The following QTMAN variants were observed in gnomAD, a reference collection of about 807,000 sequenced individuals.
The protein encoded by QTMAN is queuosine-tRNA mannosyltransferase, also known as tRNA-queuosine alpha-mannosyltransferase.
At chr2:143,999,268 T>C in the QTMAN span, among the ~76,000 whole-genome samples, 3 of 151,934 alleles carry the variant, frequency 2.0e-5, no homozygotes, top group Non-Finnish European at 2.9e-5. Flanking sequence ...ACATTCACAG[T>C]CAGGGGGATT....
chr2:143,953,375 T>C, the QTMAN span, among the ~76,000 whole-genome samples: 2 of 151,912 alleles, frequency 1.3e-5, no homozygotes, highest in Non-Finnish European at 3.0e-5. Context: ...TTTGTTATTA[T>C]GCAGAATGTA....
At chr2:144,268,678 A>G in the QTMAN span, among the ~76,000 whole-genome samples, 1 of 152,254 alleles carries the variant, frequency 6.6e-6, no homozygotes, top group Non-Finnish European at 1.5e-5. Flanking sequence ...CAAAAAATAC[A>G]GGCAAACCAA....
chr2:144,186,904 T>C, the QTMAN span, among the ~76,000 whole-genome samples: 1 of 152,258 alleles, frequency 6.6e-6, no homozygotes, highest in African/African-American at 2.4e-5. Context: ...AAGACCTCCC[T>C]TTCCTCAGCT....
the QTMAN span, among the ~76,000 whole-genome samples, chr2:144,300,909 A>G: frequency 6.6e-6 from 1 of 152,146 alleles, no homozygotes; most frequent in Non-Finnish European, 1.5e-5. Context: ...GAAGCCCCCA[A>G]AATTTTTTGG....
chr2:144,150,838 A>G, the QTMAN span, among the ~76,000 whole-genome samples: 3 of 152,210 alleles, frequency 2.0e-5, no homozygotes, highest in Non-Finnish European at 4.4e-5. Flanking sequence ...TAACTATTCC[A>G]AAGAGAGATA....
chr2:144,281,153 A>G, the QTMAN span, among the ~76,000 whole-genome samples: 2 of 149,724 alleles, frequency 1.3e-5, no homozygotes, highest in African/African-American at 4.9e-5. Context: ...ATTTTTTTAA[A>G]GTCTAACAAT....
At chr2:144,127,435 TATTGA>T in the QTMAN span, among the ~76,000 whole-genome samples, 11 of 152,166 alleles carry the variant, frequency 7.2e-5, no homozygotes, top group South Asian at 2.1e-4. Context: ...TGTAAAAAGT[TATTGA>T]ATTGAATTAA....
At chr2:144,206,048 C>T in the QTMAN span, among the ~76,000 whole-genome samples, 1 of 152,180 alleles carries the variant, frequency 6.6e-6, no homozygotes, top group African/African-American at 2.4e-5. Flanking sequence ...CAGAATCAAA[C>T]TGATTAATTA....
the QTMAN span, among the ~76,000 whole-genome samples, chr2:144,107,626 C>CA: frequency 1.3e-5 from 2 of 152,106 alleles, no homozygotes; most frequent in African/African-American, 4.8e-5. Flanking sequence ...CTTACCAACC[C>CA]AAAAAAGTCC....
At chr2:143,986,394 T>G in the QTMAN span, among the ~76,000 whole-genome samples, 9 of 152,198 alleles carry the variant, frequency 5.9e-5, no homozygotes, top group African/African-American at 1.9e-4. Context: ...CGTTCATAAT[T>G]AATGAGAACA....
At chr2:144,316,757 A>G in the QTMAN span, among the ~76,000 whole-genome samples, 1 of 152,224 alleles carries the variant, frequency 6.6e-6, no homozygotes, top group Admixed American at 6.5e-5. Flanking sequence ...AAAAGCTGTT[A>G]ATCTTAAAAT....
chr2:143,992,501 C>T, the QTMAN span, among the ~76,000 whole-genome samples: 1 of 150,284 alleles, frequency 6.7e-6, no homozygotes, highest in Non-Finnish European at 1.5e-5. Flanking sequence ...GCCAAATCCC[C>T]CTCTGTGAGA....
chr2:143,941,867 G>T, the QTMAN span: 1 of 152,150 alleles, frequency 6.6e-6, no homozygotes, highest in African/African-American at 2.4e-5. Flanking sequence ...AGGCACATAG[G>T]TGACAATGAT....
At chr2:143,982,877 AT>A in the QTMAN span, among the ~76,000 whole-genome samples, 45 of 150,812 alleles carry the variant, frequency 3.0e-4, no homozygotes, top group Admixed American at 1.5e-3. Context: ...AAAAAAAAGA[AT>A]AGATAATAAT....
chr2:144,062,689 CTTTA>C, the QTMAN span, among the ~76,000 whole-genome samples: 137 of 152,260 alleles, frequency 9.0e-4, no homozygotes, highest in Non-Finnish European at 1.5e-3. Flanking sequence ...TAACAACAGA[CTTTA>C]TTTATTATAA....
chr2:144,317,130 ACTAT>A, the QTMAN span, among the ~76,000 whole-genome samples: 3 of 152,150 alleles, frequency 2.0e-5, no homozygotes, highest in African/African-American at 7.2e-5. Context: ...CTATGATCTT[ACTAT>A]CTATCACAAC....
the QTMAN span, among the ~76,000 whole-genome samples, chr2:144,155,842 A>C: frequency 6.6e-6 from 1 of 152,148 alleles, no homozygotes; most frequent in African/African-American, 2.4e-5. Flanking sequence ...AATTAAAGTA[A>C]TCATGACAAT....
At chr2:144,044,241 AAAATACATAC>A in the QTMAN span, among the ~76,000 whole-genome samples, 2 of 152,224 alleles carry the variant, frequency 1.3e-5, no homozygotes, top group African/African-American at 4.8e-5. Flanking sequence ...ATGCTTAAAA[AAAATACATAC>A]ATATATATAT....
chr2:144,328,320 TA>T, the QTMAN span, among the ~76,000 whole-genome samples: 4 of 152,180 alleles, frequency 2.6e-5, no homozygotes, highest in African/African-American at 9.7e-5. Flanking sequence ...CTACACAGCA[TA>T]GGGGAAAAGC....
Sources: gnomAD v4.1 joint callset for allele counts (sites outside exome capture counted in the v4.1 genomes callset) on GRCh38, gnomAD v4.1.1 for gene constraint, MANE v1.5 for transcripts, NCBI Gene and HGNC (gene_info 2026-07-23, HGNC 2026-07-21) for gene names.